The following SLC6A6 variants were observed in gnomAD, a reference collection of about 807,000 sequenced individuals.
The protein encoded by SLC6A6 is sodium- and chloride-dependent taurine transporter.
SLC6A6 carries 16 observed loss-of-function variants against 68.8 expected under a neutral mutation model. The observed-to-expected ratio is 0.23, with a 90% CI of 0.16 to 0.35. The LOEUF (loss-of-function observed/expected upper bound fraction) is 0.35. Among genes scored for constraint, SLC6A6 ranks in the 10% least tolerant of loss-of-function variants. The pLI is 1.00. For synonymous variants in SLC6A6, 312 were observed against 315.4 expected, an observed-to-expected ratio of 0.99 and a Z score of 0.12; for missense variants, 474 against 802.8, an observed-to-expected ratio of 0.59 and a Z score of 4.95.
intron 2 of SLC6A6, among the ~76,000 whole-genome samples, chr3:14,433,246 G>T (rs926700553): frequency 1.3e-5 from 2 of 152,164 alleles, no homozygotes; most frequent in African/African-American, 2.4e-5. Flanking sequence ...GCGAGTGCCT[G>T]CTCAGAGCAG....
At chr3:14,429,389 C>T (rs575351271) in intron 2 of SLC6A6, among the ~76,000 whole-genome samples, 25 of 152,294 alleles carry the variant, frequency 1.6e-4, no homozygotes, top group Admixed American at 1.2e-3. Context: ...CTCTCAAGTC[C>T]GGGATAAATG....
At chr3:14,425,775 C>T (rs987366236) in intron 2 of SLC6A6, among the ~76,000 whole-genome samples, 2 of 152,266 alleles carry the variant, frequency 1.3e-5, no homozygotes, top group African/African-American at 2.4e-5. Context: ...GGAGACTACC[C>T]ATGGTCCTTC....
chr3:14,468,851 G>A lies in SLC6A6; in HGVS notation c.1096+639G>A, dbSNP rs768280020. ...CCCTGTTGACCAGGCACTCTTCCTC[G>A]GGCTACCTGGAGTCACAGGCATGGA... On this transcript the variant is annotated intron_variant, in intron 9 of 14. Transcript: ENST00000622186. This position sits in a 1 kb window ranked among gnomAD's most constrained non-coding sequence, Gnocchi z 4.5. Among the ~76,000 whole-genome samples, 3 of 152,112 alleles carry A rather than the reference G, an allele frequency of 2.0e-5. No individual in the cohort carries two copies. Among genetic ancestry groups the A allele is most frequent in the South Asian group, 2.1e-4 (1 of 4,834 alleles).
In SLC6A6 at chr3:14,453,054, G is replaced by A. The variant is rs377010299; in HGVS notation, c.600-4896G>A. ...CCTGCAGCTGTCGGAAAGAGGAGGC[G>A]GTGGAGAAAGGCTGCACGGCCCCGT... On this transcript the variant is annotated intron_variant, in intron 5 of 14. Coordinates refer to ENST00000622186, the MANE Select transcript of SLC6A6 (RefSeq NM_003043.6). Among the ~76,000 whole-genome samples the A allele has an allele frequency of 1.9e-3, 285 of 152,366 alleles. 3 individuals carry two copies. In the South Asian group the frequency reaches 0.025, roughly 14 times the overall value.
chr3:14,412,104 A>G (rs1699263972), intron 1 of SLC6A6, among the ~76,000 whole-genome samples: 2 of 152,236 alleles, frequency 1.3e-5, no homozygotes. Flanking sequence ...AAAGGGAGGA[A>G]AGACCATTCT....
intron 13 of SLC6A6, 119 bp downstream of exon 13, chr3:14,479,304 C>T: frequency 1.4e-6 from 1 of 693,662 alleles, no homozygotes; most frequent in Non-Finnish European, 2.6e-6. Flanking sequence ...ATAAACCCAG[C>T]TTCAGCGCTG....
intron 4 of SLC6A6, among the ~76,000 whole-genome samples, chr3:14,446,537 TG>T (rs1700125002): frequency 6.6e-6 from 1 of 152,168 alleles, no homozygotes; most frequent in African/African-American, 2.4e-5. Flanking sequence ...AACCTGCACC[TG>T]CACCCCCTGA....
At chr3:14,469,934 A>G (rs1700713648) in intron 9 of SLC6A6, among the ~76,000 whole-genome samples, 1 of 152,138 alleles carries the variant, frequency 6.6e-6, no homozygotes, top group East Asian at 1.9e-4. Flanking sequence ...AGAGCCCCCA[A>G]AAGCAGGCCA....
chr3:14,435,021 T>G (rs1699820421), intron 2 of SLC6A6, among the ~76,000 whole-genome samples: 2 of 152,242 alleles, frequency 1.3e-5, no homozygotes, highest in African/African-American at 4.8e-5. Context: ...CCCCCGGCGT[T>G]GTTCCAGAGG....
intron 6 of SLC6A6, 103 bp from the exon 7 acceptor site, chr3:14,466,410 ACTC>A: frequency 7.6e-7 from 1 of 1,311,226 alleles, no homozygotes; most frequent in Non-Finnish European, 1.0e-6. Context: ...TGGCTCCAGA[ACTC>A]CTGATCCTGA....
At chr3:14,475,783 T>G (rs1240735278) in intron 10 of SLC6A6, among the ~76,000 whole-genome samples, 5 of 152,190 alleles carry the variant, frequency 3.3e-5, no homozygotes, top group Admixed American at 2.0e-4. Context: ...CGGTGGCAAT[T>G]TAGGTTCAAA....
At position 14,420,458 on chromosome 3, in the gene SLC6A6, C is replaced by T. The variant is rs528567801; in HGVS notation, c.-12+4005C>T. 6.7e-5 allele frequency among the ~76,000 whole-genome samples: 10 copies of T among 148,574 alleles called. No individual in the cohort carries two copies. The South Asian group carries it at 2.1e-3, about 32-fold the overall frequency. ...TAATCCCATAGTGATGGGAAATTGGCTGGTTACAGTTTCTCTTGTAAACCA... is the reference window on the plus strand; with the variant it reads ...TAATCCCATAGTGATGGGAAATTGGTTGGTTACAGTTTCTCTTGTAAACCA... On this transcript the variant is annotated intron_variant, in intron 2 of 14. Transcript: ENST00000622186.
At position 14,472,206 on chromosome 3, in the gene SLC6A6, T is replaced by A. The variant is rs1700767955; in HGVS notation, c.1098T>A (p.Gly366=). 1.9e-6 allele frequency: 3 copies of A among 1,603,184 alleles called. No individual in the cohort carries two copies. In the East Asian group the frequency reaches 6.7e-5, roughly 36 times the overall value. Reference sequence around the variant, plus strand: ...CTCCCCGTTTTCTTTCCTTTCTAGGTCCTGGCCTGGCCTTCATTGCCTACC... The same window carrying A: ...CTCCCCGTTTTCTTTCCTTTCTAGGACCTGGCCTGGCCTTCATTGCCTACC... ...GVDIADVAES[G]PGLAFIAYPK... is the part of the protein sequence containing the mutation. The change falls in exon 10 of 15, where the codon GGT becomes GGA. Residue 366 remains glycine, a splice_region_variant and synonymous_variant. Coordinates refer to ENST00000622186, the MANE Select transcript of SLC6A6 (RefSeq NM_003043.6). This position sits in a 1 kb window ranked among gnomAD's most constrained non-coding sequence, Gnocchi z 4.5.
chr3:14,477,387 CCCT>C lies in SLC6A6; in HGVS notation c.1347+50_1347+52del. On this transcript the variant is annotated intron_variant, in intron 11 of 14. Coordinates refer to ENST00000622186, the MANE Select transcript of SLC6A6 (RefSeq NM_003043.6). This position sits in a 1 kb window ranked among gnomAD's most constrained non-coding sequence, Gnocchi z 4.2. ...GTGTTTCAGGCTTGGTGCTCCAGTG[CCCT>C]CCTCAAGGCCATAGTGGAGGCAGCA... 6.2e-7 allele frequency: 1 copy of C among 1,601,242 alleles called. No individual in the cohort carries two copies. Among genetic ancestry groups the C allele is most frequent in the Non-Finnish European group, 8.5e-7 (1 of 1,170,498 alleles).
chr3:14,448,546 A>G (rs1395254184), intron 5 of SLC6A6, among the ~76,000 whole-genome samples: 1 of 152,238 alleles, frequency 6.6e-6, no homozygotes, highest in Non-Finnish European at 1.5e-5. Context: ...CTCTAGGAAC[A>G]AGAAACGGTC....
chr3:14,445,430 AAAAAAAAG>A (rs1206489871), intron 3 of SLC6A6, among the ~76,000 whole-genome samples: 10 of 131,016 alleles, frequency 7.6e-5, no homozygotes, highest in Admixed American at 3.6e-4. Flanking sequence ...CAAAAGAAAA[AAAAAAAAG>A]AAAAAAAGAA....
At chr3:14,444,846 G>A (rs754903978) in intron 3 of SLC6A6, 3 of 456,078 alleles carry the variant, frequency 6.6e-6, no homozygotes, top group South Asian at 4.6e-5. Context: ...TGGACCCGCT[G>A]AAGCCATTAG....
At chr3:14,456,637 GTA>G in intron 5 of SLC6A6, among the ~76,000 whole-genome samples, 1 of 152,350 alleles carries the variant, frequency 6.6e-6, no homozygotes, top group East Asian at 1.9e-4. Flanking sequence ...GACTGTGGGG[GTA>G]ATCCCACGGA....
intron 5 of SLC6A6, among the ~76,000 whole-genome samples, chr3:14,455,274 G>A (rs957390767): frequency 3.3e-5 from 5 of 152,186 alleles, no homozygotes; most frequent in Non-Finnish European, 2.9e-5. Context: ...CAGCTGCCCC[G>A]AACAAGTCAG....
Sources: gnomAD v4.1 joint callset for allele counts (sites outside exome capture counted in the v4.1 genomes callset) on GRCh38, gnomAD v4.1.1 for gene constraint, Gnocchi (gnomAD v3.1) non-coding constraint, MANE v1.5 for transcripts, NCBI Gene and HGNC (gene_info 2026-07-23, HGNC 2026-07-21) for gene names.